The following SAMMSON variants were observed in gnomAD, a reference collection of about 807,000 sequenced individuals.
SAMMSON encodes the protein survival associated mitochondrial melanoma specific oncogenic non-coding RNA, also known as long intergenic non-protein coding RNA 1212.
At chr3:70,074,679 G>T (rs1039861479) in intron 4 of SAMMSON, among the ~76,000 whole-genome samples, 2 of 152,046 alleles carry the variant, frequency 1.3e-5, no homozygotes, top group Non-Finnish European at 2.9e-5. Flanking sequence ...AAAGGTGAAG[G>T]TGACATAATC....
chr3:70,370,508 G>T (rs1429752276), intron 9 of SAMMSON, among the ~76,000 whole-genome samples: 1 of 151,812 alleles, frequency 6.6e-6, no homozygotes, highest in East Asian at 1.9e-4. Flanking sequence ...TTCTAATTAG[G>T]GTAAGATGAT....
intron 7 of SAMMSON, among the ~76,000 whole-genome samples, chr3:70,292,568 G>A (rs1185344259): frequency 6.6e-6 from 1 of 152,098 alleles, no homozygotes; most frequent in East Asian, 1.9e-4. Flanking sequence ...AAACTTGTAA[G>A]TATTTTTTAT....
intron 6 of SAMMSON, among the ~76,000 whole-genome samples, chr3:70,266,206 A>G (rs1701915885): frequency 1.3e-5 from 2 of 152,052 alleles, no homozygotes; most frequent in African/African-American, 4.8e-5. Flanking sequence ...TTTTTATTGA[A>G]GGAGGAACTT....
intron 3 of SAMMSON, among the ~76,000 whole-genome samples, chr3:70,031,903 G>T (rs72935427): frequency 7.2e-4 from 110 of 152,224 alleles, no homozygotes; most frequent in African/African-American, 2.5e-3. Context: ...AAGAGTTGTT[G>T]AATGGAACAC....
At chr3:70,016,714 T>C (rs370857930) in intron 3 of SAMMSON, among the ~76,000 whole-genome samples, 6 of 152,138 alleles carry the variant, frequency 3.9e-5, no homozygotes, top group African/African-American at 7.2e-5. Context: ...GTTTTTATGG[T>C]TTTAGGTCTA....
At chr3:70,254,437 C>T (rs538927211) in intron 6 of SAMMSON, among the ~76,000 whole-genome samples, 1 of 152,156 alleles carries the variant, frequency 6.6e-6, no homozygotes, top group Non-Finnish European at 1.5e-5. Context: ...TAACATGATC[C>T]ATTTTAGACA....
intron 4 of SAMMSON, among the ~76,000 whole-genome samples, chr3:70,202,958 C>G (rs1701256281): frequency 6.6e-6 from 1 of 152,088 alleles, no homozygotes; most frequent in Non-Finnish European, 1.5e-5. Context: ...GTCTTGCACT[C>G]CCTGATTCTG....
At chr3:70,197,031 A>G (rs1319669544) in intron 4 of SAMMSON, 4 of 398,462 alleles carry the variant, frequency 1.0e-5, no homozygotes, top group Admixed American at 8.8e-5. Context: ...TGCAGCTGCA[A>G]TCATTCCGAG....
At chr3:70,295,052 G>C (rs902851601) in intron 7 of SAMMSON, among the ~76,000 whole-genome samples, 1 of 152,150 alleles carries the variant, frequency 6.6e-6, no homozygotes, top group Non-Finnish European at 1.5e-5. Context: ...AATAATCAAT[G>C]ATCTGTTGCC....
chr3:70,379,804 C>T (rs908736584), intron 9 of SAMMSON, among the ~76,000 whole-genome samples: 1 of 151,932 alleles, frequency 6.6e-6, no homozygotes, highest in African/African-American at 2.4e-5. Context: ...AAAAGGAAAG[C>T]GTGTTATGCA....
intron 4 of SAMMSON, among the ~76,000 whole-genome samples, chr3:70,226,154 A>C (rs942295638): frequency 3.3e-5 from 5 of 152,232 alleles, no homozygotes; most frequent in Non-Finnish European, 7.3e-5. Flanking sequence ...GGAGGACAGT[A>C]ATCAGCATTT....
At chr3:70,157,788 T>G (rs1287791049) in intron 4 of SAMMSON, among the ~76,000 whole-genome samples, 1 of 152,110 alleles carries the variant, frequency 6.6e-6, no homozygotes, top group Non-Finnish European at 1.5e-5. Flanking sequence ...ATAACGATCT[T>G]GCAAGGAAAT....
At chr3:70,133,059 C>G (rs138843773) in intron 4 of SAMMSON, among the ~76,000 whole-genome samples, 30 of 152,078 alleles carry the variant, frequency 2.0e-4, no homozygotes, top group Admixed American at 2.0e-3. Flanking sequence ...CTTCCAACCC[C>G]CATTTTCTAG....
chr3:70,129,798 C>CAT (rs2067474717), intron 4 of SAMMSON, among the ~76,000 whole-genome samples: 1 of 152,162 alleles, frequency 6.6e-6, no homozygotes, highest in Admixed American at 6.5e-5. Flanking sequence ...GACACTGTTC[C>CAT]ATCAAGAGAT....
At chr3:70,208,199 G>A (rs560026160) in intron 4 of SAMMSON, among the ~76,000 whole-genome samples, 3 of 152,164 alleles carry the variant, frequency 2.0e-5, no homozygotes, top group Admixed American at 1.3e-4. Context: ...TGGCACAACT[G>A]GGACGTGGTC....
intron 7 of SAMMSON, among the ~76,000 whole-genome samples, chr3:70,296,373 A>G (rs1370956264): frequency 6.6e-6 from 1 of 152,180 alleles, no homozygotes; most frequent in Non-Finnish European, 1.5e-5. Context: ...ACTGTTAACT[A>G]TGGGTTCCAG....
intron 6 of SAMMSON, among the ~76,000 whole-genome samples, chr3:70,272,880 C>T (rs998409440): frequency 1.3e-4 from 20 of 152,170 alleles, no homozygotes; most frequent in African/African-American, 4.8e-4. Context: ...CAGAGGAAAT[C>T]ACTGAAACAA....
chr3:70,135,928 C>A (rs59312808), intron 4 of SAMMSON, among the ~76,000 whole-genome samples: 38,900 of 136,980 alleles, frequency 0.28, 5,233 homozygotes, highest in East Asian at 0.54. Context: ...TATAAAATAC[C>A]CTGTGTTCTC....
chr3:70,292,584 A>G (rs535512587), intron 7 of SAMMSON, among the ~76,000 whole-genome samples: 4 of 152,258 alleles, frequency 2.6e-5, no homozygotes, highest in Admixed American at 2.6e-4. Flanking sequence ...TTTATGCCAA[A>G]CTATTTTTTA....
Sources: allele counts gnomAD v4.1 joint callset (sites outside exome capture counted in the v4.1 genomes callset), GRCh38; gene constraint gnomAD v4.1.1; transcripts MANE v1.5; gene names NCBI Gene and HGNC (gene_info 2026-07-23, HGNC 2026-07-21).